The following CNTNAP5 variants were observed in gnomAD, a reference collection of about 807,000 sequenced individuals.
The protein encoded by CNTNAP5 is contactin associated protein family member 5, also known as contactin-associated protein-like 5.
Under a neutral mutation model 150.2 loss-of-function variants are expected in CNTNAP5, and 72 were observed. The ratio of observed to expected loss-of-function variants is 0.48; its 90% CI spans 0.40 to 0.58. CNTNAP5 has a LOEUF of 0.58. Ranked by LOEUF, CNTNAP5 falls within the 20% of genes least tolerant of loss-of-function variation. The pLI is 0.00. For missense variants in CNTNAP5, 1,636 were observed against 1,626.2 expected, an observed-to-expected ratio of 1.01 and a Z score of -0.10; for synonymous variants, 672 against 619.8, an observed-to-expected ratio of 1.08 and a Z score of -1.25.
At chr2:124,435,486 GAAAA>G (rs1320687942) in intron 5 of CNTNAP5, among the ~76,000 whole-genome samples, 1 of 150,404 alleles carries the variant, frequency 6.6e-6, no homozygotes, top group African/African-American at 2.4e-5. Flanking sequence ...CTCTTCTATA[GAAAA>G]AAGAAAGAAA....
chr2:124,036,353 T>C (rs2104626615), intron 1 of CNTNAP5, among the ~76,000 whole-genome samples: 1 of 151,992 alleles, frequency 6.6e-6, no homozygotes, highest in Admixed American at 6.5e-5. Context: ...AACTGTTCAC[T>C]AAGTTTTGGA....
intron 3 of CNTNAP5, among the ~76,000 whole-genome samples, chr2:124,329,397 TC>T (rs1245908515): frequency 6.6e-6 from 1 of 152,086 alleles, no homozygotes; most frequent in Non-Finnish European, 1.5e-5. Flanking sequence ...TAGGGGAACT[TC>T]CAGAGATAGC....
intron 11 of CNTNAP5, among the ~76,000 whole-genome samples, chr2:124,605,831 AAAG>A (rs70996081): frequency 0.23 from 25,062 of 111,030 alleles, 3,735 homozygotes; most frequent in Non-Finnish European, 0.26. Flanking sequence ...AAAAAAAAAA[AAAG>A]AAGGAAAGAA....
intron 11 of CNTNAP5, among the ~76,000 whole-genome samples, chr2:124,572,772 C>T (rs1430758105): frequency 6.6e-6 from 1 of 152,172 alleles, no homozygotes; most frequent in African/African-American, 2.4e-5. Context: ...ACAACTAGAC[C>T]TTCAGATTTG....
intron 3 of CNTNAP5, among the ~76,000 whole-genome samples, chr2:124,325,733 C>T (rs1318812963): frequency 6.6e-6 from 1 of 152,090 alleles, no homozygotes; most frequent in East Asian, 1.9e-4. Context: ...AGCTTCCTTC[C>T]CAGTAGAATA....
At chr2:124,798,789 C>A (rs968606565) in intron 19 of CNTNAP5, among the ~76,000 whole-genome samples, 15 of 151,952 alleles carry the variant, frequency 9.9e-5, no homozygotes, top group African/African-American at 3.6e-4. Flanking sequence ...TGAGTCATAA[C>A]CTTGGGGAAT....
intron 17 of CNTNAP5, among the ~76,000 whole-genome samples, chr2:124,775,882 C>T (rs1289581996): frequency 6.6e-6 from 1 of 152,092 alleles, no homozygotes; most frequent in East Asian, 1.9e-4. Flanking sequence ...CCTAATGTGT[C>T]CATCAATGTG....
In CNTNAP5 at chr2:124,872,534, A is replaced by G. The variant is rs113223972; in HGVS notation, c.3436+2772A>G. Among the ~76,000 whole-genome samples, 614 of 151,924 alleles carry G rather than the reference A, an allele frequency of 4.0e-3. 3 individuals carry two copies. The highest frequency in any genetic ancestry group is 0.014 in the African/African-American group (570 of 41,442). ...TTTTTTTTAACTTCTGCCAGGTGCCAGGAGGTACTACCAATTTAGGACAAT... is the reference window on the plus strand; with the variant it reads ...TTTTTTTTAACTTCTGCCAGGTGCCGGGAGGTACTACCAATTTAGGACAAT... On this transcript the variant is annotated intron_variant, in intron 21 of 23. Transcript: ENST00000682447.
chr2:124,159,833 A>G (rs1684631906), intron 1 of CNTNAP5, among the ~76,000 whole-genome samples: 1 of 152,182 alleles, frequency 6.6e-6, no homozygotes, highest in Non-Finnish European at 1.5e-5. Flanking sequence ...CAAAAATTCT[A>G]TGAAATTCAT....
intron 1 of CNTNAP5, among the ~76,000 whole-genome samples, chr2:124,144,932 C>G (rs1684205529): frequency 8.5e-6 from 1 of 116,964 alleles, no homozygotes; most frequent in Non-Finnish European, 1.8e-5. Context: ...ACAATGAACT[C>G]CAACAAATTT....
chr2:124,371,624 T>G (rs1690529141), intron 3 of CNTNAP5, among the ~76,000 whole-genome samples: 1 of 152,148 alleles, frequency 6.6e-6, no homozygotes, highest in African/African-American at 2.4e-5. Context: ...TTGGGGACTC[T>G]TGCAACTGAA....
intron 8 of CNTNAP5, among the ~76,000 whole-genome samples, chr2:124,509,322 C>T (rs1694498924): frequency 6.6e-6 from 1 of 152,296 alleles, no homozygotes; most frequent in South Asian, 2.1e-4. Context: ...AGATGAAGGA[C>T]AACAGTGGAA....
intron 13 of CNTNAP5, among the ~76,000 whole-genome samples, chr2:124,683,371 C>CT (rs981440345): frequency 1.3e-5 from 2 of 151,940 alleles, no homozygotes; most frequent in African/African-American, 4.8e-5. Context: ...AACTGTAAAA[C>CT]TTTTTTTTAT....
intron 11 of CNTNAP5, among the ~76,000 whole-genome samples, chr2:124,567,133 C>T (rs1696041865): frequency 6.6e-6 from 1 of 152,098 alleles, no homozygotes; most frequent in African/African-American, 2.4e-5. Flanking sequence ...AAATGTGAAG[C>T]AAGAGGACAG....
chr2:124,819,957 T>C (rs1682450080), intron 19 of CNTNAP5, among the ~76,000 whole-genome samples: 1 of 152,174 alleles, frequency 6.6e-6, no homozygotes, highest in Non-Finnish European at 1.5e-5. Flanking sequence ...TTTAGCCTGG[T>C]TGGTGAAATT....
At chr2:124,551,172 C>T (rs988030854) in intron 10 of CNTNAP5, among the ~76,000 whole-genome samples, 10 of 152,074 alleles carry the variant, frequency 6.6e-5, no homozygotes, top group African/African-American at 2.2e-4. Flanking sequence ...GGATCACTGA[C>T]GTGCATTGCA....
chr2:124,653,048 C>T lies in CNTNAP5; in HGVS notation c.2077+5090C>T, dbSNP rs1052952271. The stretch of plus-strand genomic sequence containing the variant: ...AAATCAGTCATGGAAGCAAGATTGC[C>T]GTGAGGATTGTGTAAGTTCTTCAGG... On this transcript the variant is annotated intron_variant, in intron 13 of 23. Coordinates refer to ENST00000682447, the MANE Select transcript of CNTNAP5 (RefSeq NM_001367498.1). Among the ~76,000 whole-genome samples, 6 of 152,148 alleles carry T rather than the reference C, an allele frequency of 3.9e-5. No homozygotes were observed. The East Asian group carries it at 7.7e-4, about 20-fold the overall frequency.
At chr2:124,454,007 C>T (rs1480756960) in intron 6 of CNTNAP5, among the ~76,000 whole-genome samples, 1 of 152,042 alleles carries the variant, frequency 6.6e-6, no homozygotes, top group Non-Finnish European at 1.5e-5. Context: ...ACAGAGTATA[C>T]AGGCAACAAA....
intron 3 of CNTNAP5, among the ~76,000 whole-genome samples, chr2:124,314,210 T>A (rs949933555): frequency 2.0e-5 from 3 of 152,206 alleles, no homozygotes; most frequent in African/African-American, 4.8e-5. Context: ...TACTACTTCA[T>A]CTGAATTACT....
Sources: allele counts gnomAD v4.1 joint callset (sites outside exome capture counted in the v4.1 genomes callset), GRCh38; gene constraint gnomAD v4.1.1; transcripts MANE v1.5; gene names NCBI Gene and HGNC (gene_info 2026-07-23, HGNC 2026-07-21).